SMAD4: variants seen among roughly 807,000 people sequenced by gnomAD.
The protein encoded by SMAD4 is MAD homolog 4.
Under a neutral mutation model 63.2 loss-of-function variants are expected in SMAD4, and 7 were observed. The ratio of observed to expected loss-of-function variants is 0.11; its 90% CI spans 0.06 to 0.21. The LOEUF is 0.21. SMAD4 is among the 10% of genes least tolerant of loss of function. The pLI is 1.00. For missense variants in SMAD4, 312 were observed against 693.8 expected (o/e 0.45, Z 6.18); for synonymous variants, 215 against 235.4 (o/e 0.91, Z 0.79).
intron 8 of SMAD4, among the ~76,000 whole-genome samples, chr18:51,060,880 T>A (rs533447851): frequency 1.3e-5 from 2 of 152,064 alleles, no homozygotes; most frequent in East Asian, 3.9e-4. Context: ...GCAGTCCTCC[T>A]GCTAATAATT....
rs751563004 is a variant in SMAD4 at position 51,047,311 on chromosome 18, G to A, written c.249+16G>A. The A allele has an allele frequency of 2.0e-5, 33 of 1,612,184 alleles. No homozygotes were observed. The South Asian group carries it at 3.5e-4, about 17-fold the overall frequency. ...GAGGCTTCAGGTTAGTCTTATAAGA[G>A]TTTTTCTATACCCTCTATGGTGGCA... is the stretch of plus-strand genomic sequence containing the variant. On this transcript the variant is annotated intron_variant, in intron 2 of 11. Transcript: ENST00000342988.
intron 1 of SMAD4, among the ~76,000 whole-genome samples, chr18:51,044,682 C>T (rs1909485264): frequency 6.6e-6 from 1 of 152,130 alleles, no homozygotes; most frequent in Non-Finnish European, 1.5e-5. Context: ...TGTGAGCCAC[C>T]GTGCCTGGCC....
At chr18:51,077,418 TGGTAAGCA>T in intron 11 of SMAD4, 1 of 983,962 alleles carries the variant, frequency 1.0e-6, no homozygotes, top group Non-Finnish European at 1.2e-6. Flanking sequence ...CTCTTCAGTG[TGGTAAGCA>T]AATCACACTG....
chr18:51,047,008 T>G lies in SMAD4; in HGVS notation c.-39T>G, dbSNP rs1057523754. Reference sequence around the variant, plus strand: ...CAAAGGATCAAAATTGCTTCAGAAATTGGAGACATATTTGATTTAAAAGGA... The same window carrying G: ...CAAAGGATCAAAATTGCTTCAGAAAGTGGAGACATATTTGATTTAAAAGGA... On this transcript the variant is annotated 5_prime_UTR_variant, in exon 2 of 12. Coordinates refer to ENST00000342988, the MANE Select transcript of SMAD4 (RefSeq NM_005359.6). 1.3e-6 allele frequency: 2 copies of G among 1,598,302 alleles called. No individual in the cohort carries two copies. The highest frequency in any genetic ancestry group is 1.7e-6 in the Non-Finnish European group (2 of 1,166,034).
chr18:51,060,277 G>A (rs1040899686), intron 8 of SMAD4, among the ~76,000 whole-genome samples: 1 of 152,110 alleles, frequency 6.6e-6, no homozygotes, highest in African/African-American at 2.4e-5. Context: ...AGTACATGCC[G>A]AAAAGAAAAA....
intron 1 of SMAD4, among the ~76,000 whole-genome samples, chr18:51,043,160 G>T (rs926293322): frequency 1.3e-5 from 2 of 152,168 alleles, no homozygotes; most frequent in African/African-American, 4.8e-5. Context: ...TTTCAGTAAA[G>T]CTAAGGTGGT....
At chr18:51,033,374 G>A (rs1909107982) in intron 1 of SMAD4, among the ~76,000 whole-genome samples, 1 of 152,136 alleles carries the variant, frequency 6.6e-6, no homozygotes, top group Non-Finnish European at 1.5e-5. Context: ...GTTTTTAGTA[G>A]AGACGAGGTT....
rs896267754 is a variant in SMAD4, at chr18:51,068,828, G to A, written c.1308+1641G>A. The stretch of plus-strand genomic sequence containing the variant: ...TTTAGCTACTTGGGAGGCTGAGATG[G>A]GAGCATTGCTTGAGCCCAGGAGTTC... On this transcript the variant is annotated intron_variant, in intron 10 of 11. Coordinates refer to ENST00000342988, the MANE Select transcript of SMAD4 (RefSeq NM_005359.6). Among the ~76,000 whole-genome samples, 17 of 152,060 alleles carry A rather than the reference G, an allele frequency of 1.1e-4. 1 individual carries two copies. The highest frequency in any genetic ancestry group is 9.2e-4 in the Admixed American group (14 of 15,266).
At chr18:51,076,845 A>G in intron 11 of SMAD4, 69 bp downstream of exon 11, 2 of 1,252,324 alleles carry the variant, frequency 1.6e-6, no homozygotes, top group South Asian at 1.5e-5. Flanking sequence ...TACTCAGTTG[A>G]TTAGTTTCTT....
At chr18:51,043,432 C>T (rs530173938) in intron 1 of SMAD4, among the ~76,000 whole-genome samples, 73 of 152,212 alleles carry the variant, frequency 4.8e-4, no homozygotes, top group Non-Finnish European at 8.7e-4. Context: ...TTCAGTCATG[C>T]GGCTAGACCT....
At position 51,043,288 on chromosome 18, in the gene SMAD4, T is replaced by C. The variant is rs1326648605; in HGVS notation, c.-127-3632T>C. 2.0e-5 allele frequency among the ~76,000 whole-genome samples: 3 copies of C among 152,328 alleles called. No individual in the cohort carries two copies. In the East Asian group the frequency reaches 5.8e-4, roughly 29 times the overall value. Reference sequence around the variant, plus strand: ...TAGTGCTTTGTATATACAGTGTTTGTTGAATTGGTCAATTTATGTTTCCCA... The same window carrying C: ...TAGTGCTTTGTATATACAGTGTTTGCTGAATTGGTCAATTTATGTTTCCCA... On this transcript the variant is annotated intron_variant, in intron 1 of 11. Transcript: ENST00000342988.
intron 4 of SMAD4, chr18:51,054,066 C>T (rs1468128260): frequency 6.6e-6 from 1 of 152,296 alleles, no homozygotes; most frequent in Non-Finnish European, 1.5e-5. Context: ...GCTGTATCAG[C>T]TGGAATCTAG....
Position 51,056,635 on chromosome 18 carries a change from A to G in SMAD4, c.668-1490A>G, listed in dbSNP as rs1027156241. On this transcript the variant is annotated intron_variant, in intron 5 of 11. Coordinates refer to ENST00000342988, the MANE Select transcript of SMAD4 (RefSeq NM_005359.6). ...ACTCCATCTCCAAAAAAAAAAAAAA[A>G]AAAAAAAAAGAGGGTTCCCTTAGGT... Among the ~76,000 whole-genome samples, 278 of 138,910 alleles carry G rather than the reference A, an allele frequency of 2.0e-3. 1 individual carries two copies. The highest frequency in any genetic ancestry group is 8.7e-3 in the African/African-American group (261 of 29,996). 91.1% of individuals were successfully genotyped at this position (138,910 alleles called of 152,430 possible).
rs778780100 is a variant in SMAD4 at position 51,081,160 on chromosome 18, A to G, written c.*2693A>G. On this transcript the variant is annotated 3_prime_UTR_variant, in exon 12 of 12. Transcript: ENST00000342988. ...AAGACTAAAGATTCTCACAGGTTTA[A>G]AATTTTATGTCTACTTTAAGGGTAA... 3.6e-5 allele frequency: 8 copies of G among 221,140 alleles called. No individual in the cohort carries two copies. The highest frequency in any genetic ancestry group is 5.4e-5 in the Non-Finnish European group (6 of 110,704). The allele number at this position is 221,140 out of a possible 1,614,324, so 13.7% of individuals were successfully genotyped here.
intron 1 of SMAD4, among the ~76,000 whole-genome samples, chr18:51,038,258 G>T (rs1467061679): frequency 6.7e-6 from 1 of 150,020 alleles, no homozygotes; most frequent in Admixed American, 6.6e-5. Flanking sequence ...CTGTGGGGGG[G>T]GGGGCAGTAT....
chr18:51,077,942 A>AT lies in SMAD4; in HGVS notation c.1448-314_1448-313insT, dbSNP rs1408276710. 3.3e-5 allele frequency among the ~76,000 whole-genome samples: 5 copies of AT among 152,222 alleles called. No homozygotes were observed. In the East Asian group the frequency reaches 9.6e-4, roughly 29 times the overall value. ...CCTGTGGACACGCACTACCTCTTAA[A>AT]AACAAGTTGTTTCTTATCCCTTCAC... On this transcript the variant is annotated intron_variant, in intron 11 of 11. Coordinates refer to ENST00000342988, the MANE Select transcript of SMAD4 (RefSeq NM_005359.6).
Position 51,079,808 on chromosome 18 carries a change from AT to A in SMAD4, c.*1351del, listed in dbSNP as rs962221184. 4.2e-4 allele frequency: 94 copies of A among 226,196 alleles called. No individual in the cohort carries two copies. The highest frequency in any genetic ancestry group is 1.3e-3 in the African/African-American group (60 of 44,616). The allele number at this position is 226,196 out of a possible 1,614,324, so 14.0% of individuals were successfully genotyped here. A position where few individuals can be genotyped will look rare whatever the true frequency, so the allele number is the denominator to read the frequency against. On this transcript the variant is annotated 3_prime_UTR_variant, in exon 12 of 12. Coordinates refer to ENST00000342988, the MANE Select transcript of SMAD4 (RefSeq NM_005359.6). Reference sequence around the variant, plus strand: ...TTGAATTCTAGGTTTGATTTTTAAGATTTTTTTTTTCTTTTGCACTTTTGAG... The same window carrying A: ...TTGAATTCTAGGTTTGATTTTTAAGATTTTTTTTTCTTTTGCACTTTTGAG...
At chr18:51,065,652 G>A (rs1910129576) in intron 9 of SMAD4, 46 bp downstream of exon 9, 1 of 1,482,192 alleles carries the variant, frequency 6.7e-7, no homozygotes, top group Non-Finnish European at 9.4e-7. Context: ...ATTGAGCATA[G>A]TACATTGTCT....
intron 5 of SMAD4, 149 bp downstream of exon 5, chr18:51,055,142 T>G (rs551802334): frequency 8.7e-6 from 6 of 689,180 alleles, no homozygotes; most frequent in Non-Finnish European, 1.6e-5. Context: ...TAAACAGGTA[T>G]GCACAATCAC....
Sources: allele counts gnomAD v4.1 joint callset (sites outside exome capture counted in the v4.1 genomes callset), GRCh38; gene constraint gnomAD v4.1.1; transcripts MANE v1.5; gene names NCBI Gene and HGNC (gene_info 2026-07-23, HGNC 2026-07-21).